The following MCUB variants were observed in gnomAD, a reference collection of about 807,000 sequenced individuals.
MCUB encodes calcium uniporter regulatory subunit MCUb, mitochondrial.
In MCUB, 46 loss-of-function variants were observed where a neutral mutation model predicts 41.4. The ratio of observed to expected loss-of-function variants is 1.11; its 90% confidence interval spans 0.88 to 1.42. MCUB has a LOEUF of 1.42. MCUB is among the 40% of genes most tolerant of loss of function. The pLI is 0.00. For missense variants in MCUB, 403 were observed against 404.9 expected, an observed-to-expected ratio of 1.00 and a Z score of 0.04; for synonymous variants, 148 against 148.2, an observed-to-expected ratio of 1.00 and a Z score of 0.01.
intron 1 of MCUB, among the ~76,000 whole-genome samples, chr4:109,604,194 G>A (rs550706646): frequency 6.6e-5 from 10 of 151,208 alleles, no homozygotes; most frequent in Admixed American, 6.6e-5. Context: ...CAGCATGCTC[G>A]TTAAGAGTCA....
intron 4 of MCUB, 33 bp from the exon 5 acceptor site, chr4:109,682,548 GT>G: frequency 6.4e-7 from 1 of 1,565,394 alleles, no homozygotes; most frequent in Non-Finnish European, 8.7e-7. Context: ...GAACAATGTG[GT>G]GACTGGCTTG....
At chr4:109,653,829 C>T (rs1729017774) in intron 1 of MCUB, among the ~76,000 whole-genome samples, 1 of 152,220 alleles carries the variant, frequency 6.6e-6, no homozygotes, top group Non-Finnish European at 1.5e-5. Context: ...CCTGCCTTGG[C>T]CTTCCAAAGT....
chr4:109,650,852 CTT>C (rs1387115838), intron 1 of MCUB, among the ~76,000 whole-genome samples: 1 of 152,168 alleles, frequency 6.6e-6, no homozygotes, highest in East Asian at 1.9e-4. Flanking sequence ...TGATTTGACT[CTT>C]TTAAAGATTA....
intron 4 of MCUB, among the ~76,000 whole-genome samples, chr4:109,665,820 TG>T (rs1729332190): frequency 6.6e-6 from 1 of 151,292 alleles, no homozygotes; most frequent in Non-Finnish European, 1.5e-5. Context: ...TTGGCAGGGG[TG>T]GGGGCGCATG....
At chr4:109,684,163 C>T (rs1163212510) in intron 5 of MCUB, among the ~76,000 whole-genome samples, 1 of 151,288 alleles carries the variant, frequency 6.6e-6, no homozygotes, top group Non-Finnish European at 1.5e-5. Context: ...CCTGGGTTCA[C>T]GCCATTCTTC....
At chr4:109,610,006 C>T (rs1294215356) in intron 1 of MCUB, among the ~76,000 whole-genome samples, 1 of 152,172 alleles carries the variant, frequency 6.6e-6, no homozygotes, top group African/African-American at 2.4e-5. Context: ...TCCTCCTAAT[C>T]TTCCCTCCCC....
intron 1 of MCUB, among the ~76,000 whole-genome samples, chr4:109,607,514 G>A (rs748018923): frequency 3.6e-4 from 55 of 152,254 alleles, no homozygotes; most frequent in Non-Finnish European, 5.9e-4. Context: ...CACCATGCCC[G>A]GCCTCCTTTT....
At chr4:109,628,178 G>A (rs908831131) in intron 1 of MCUB, among the ~76,000 whole-genome samples, 1 of 152,132 alleles carries the variant, frequency 6.6e-6, no homozygotes, top group East Asian at 1.9e-4. Flanking sequence ...AGATTTGATA[G>A]AAGGGCATCC....
rs543453888 is a variant in MCUB at position 109,634,744 on chromosome 4, T to C, written c.100-24267T>C. On this transcript the variant is annotated intron_variant, in intron 1 of 7. Transcript: ENST00000394650. ...TTTATTCATTGTGTGGTAGAAGTTA[T>C]TAAATTATTTTAGGCAGATAGAAAG... 3.9e-5 allele frequency among the ~76,000 whole-genome samples: 6 copies of C among 152,330 alleles called. No individual in the cohort carries two copies. The East Asian group carries it at 9.6e-4, about 24-fold the overall frequency.
Position 109,684,546 on chromosome 4 carries a change from C to T in MCUB, c.716C>T (p.Thr239Met), listed in dbSNP as rs140165515. 4.9e-4 allele frequency: 782 copies of T among 1,610,628 alleles called. 1 individual carries two copies. The highest frequency in any genetic ancestry group is 6.2e-4 in the Non-Finnish European group (724 of 1,176,976). Residue 239 changes from threonine (T) to methionine (M), a missense_variant, in exon 6 of 8, where the codon ACG (threonine) becomes ATG (methionine). Coordinates refer to ENST00000394650, the MANE Select transcript of MCUB (RefSeq NM_017918.5). The part of the protein sequence containing the change: ...SIQGGALAWL[T>M]WWVYSWDIME... ...CAGGGTGGGGCACTGGCCTGGCTCA[C>T]GTGGTGGGTGTACTCCTGGGATATC...
At chr4:109,574,815 G>A (rs900100622) in intron 1 of MCUB, among the ~76,000 whole-genome samples, 1 of 152,188 alleles carries the variant, frequency 6.6e-6, no homozygotes, top group Non-Finnish European at 1.5e-5. Flanking sequence ...CACTGATAAC[G>A]AAGTGCTCAT....
intron 1 of MCUB, among the ~76,000 whole-genome samples, chr4:109,613,276 G>A (rs1417336176): frequency 6.6e-6 from 1 of 152,132 alleles, no homozygotes; most frequent in African/African-American, 2.4e-5. Context: ...CCAAAAAAAT[G>A]TGCCAAAACT....
rs748728563 is a variant in MCUB, at chr4:109,687,544, TTCTC to T, written c.967_970del (p.Leu323ValfsTer6). The T allele has an allele frequency of 9.3e-6, 15 of 1,612,840 alleles. No individual in the cohort carries two copies. The highest frequency in any genetic ancestry group is 1.3e-5 in the Non-Finnish European group (15 of 1,179,156). ...AAGAATCCCTGAAACAGGCGCGTCA[TTCTC>T]TCTGTTTGCAAATGCAAGTAGAAGA... is the stretch of plus-strand genomic sequence containing the variant. On this transcript the variant is annotated frameshift_variant, in exon 8 of 8. Coordinates refer to ENST00000394650, the MANE Select transcript of MCUB (RefSeq NM_017918.5). LOFTEE classifies it low-confidence loss of function (END_TRUNC).
At position 109,673,817 on chromosome 4, in the gene MCUB, C is replaced by T. The variant is rs1047961922; in HGVS notation, c.452-8765C>T. On this transcript the variant is annotated intron_variant, in intron 4 of 7. Transcript: ENST00000394650. The stretch of plus-strand genomic sequence containing the variant: ...TTGGCGGGTGAGAGGTTTTTTCGCT[C>T]TAGGGAGATTCTTCAAGCAATCACT... 5 of 710,976 alleles carry T rather than the reference C, an allele frequency of 7.0e-6. No individual in the cohort carries two copies. In the Admixed American group the frequency reaches 8.2e-5, roughly 12 times the overall value. 44.0% of individuals were successfully genotyped at this position (710,976 alleles called of 1,614,324 possible). A position where few individuals can be genotyped will look rare whatever the true frequency, so the allele number is the denominator to read the frequency against.
chr4:109,573,402 G>A (rs1726959198), intron 1 of MCUB, among the ~76,000 whole-genome samples: 1 of 150,992 alleles, frequency 6.6e-6, no homozygotes, highest in Non-Finnish European at 1.5e-5. Context: ...GCAATGAGCG[G>A]AGATCGCGCC....
chr4:109,674,236 T>C (rs567850181), intron 4 of MCUB: 96 of 714,296 alleles, frequency 1.3e-4, no homozygotes, highest in Non-Finnish European at 2.1e-4. Context: ...GATGGTAACA[T>C]GGCATTTTGA....
Position 109,682,709 on chromosome 4 carries a change from C to A in MCUB, c.579C>A (p.Asp193Glu), listed in dbSNP as rs1729747187. 4 of 1,613,712 alleles carry A rather than the reference C, an allele frequency of 2.5e-6. No homozygotes were observed. Among genetic ancestry groups the A allele is most frequent in the Non-Finnish European group, 3.4e-6 (4 of 1,179,670 alleles). ...KREHHLLEKI[D>E]HLKEQLQPLE... is the part of the protein sequence containing the mutation. Reference sequence around the variant, plus strand: ...AGCACCATTTACTGGAGAAAATTGACCACCTGAAGGAACAGCTGCAGCCCC... The same window carrying A: ...AGCACCATTTACTGGAGAAAATTGAACACCTGAAGGAACAGCTGCAGCCCC... The change falls in exon 5 of 8, where the codon GAC becomes GAA. Residue 193 changes from aspartate to glutamate, a missense_variant. By Grantham distance (45) the Asp-to-Glu change is conservative. Coordinates refer to ENST00000394650, the MANE Select transcript of MCUB (RefSeq NM_017918.5).
chr4:109,615,084 A>G (rs956171707), intron 1 of MCUB, among the ~76,000 whole-genome samples: 1 of 152,188 alleles, frequency 6.6e-6, no homozygotes, highest in African/African-American at 2.4e-5. Context: ...TTAGATTCCA[A>G]ACTCTCTTTT....
chr4:109,603,834 G>T (rs1727806297), intron 1 of MCUB, among the ~76,000 whole-genome samples: 2 of 151,942 alleles, frequency 1.3e-5, no homozygotes, highest in South Asian at 4.2e-4. Context: ...CGGCCACCAC[G>T]TTTGGGAAGT....
Sources: allele counts gnomAD v4.1 joint callset (sites outside exome capture counted in the v4.1 genomes callset), GRCh38; gene constraint gnomAD v4.1.1; transcripts MANE v1.5; gene names NCBI Gene and HGNC (gene_info 2026-07-23, HGNC 2026-07-21).